CUL3: variants seen among roughly 807,000 people sequenced by gnomAD.
CUL3 encodes cullin-3.
A neutral mutation model predicts 89.1 loss-of-function variants in CUL3; 19 were observed. That is an observed-to-expected ratio of 0.21 (90% CI 0.15 to 0.31). The LOEUF (loss-of-function observed/expected upper bound fraction) is 0.31, where lower values mean the gene tolerates loss of function less well. Ranked by LOEUF, CUL3 falls within the 10% of genes least tolerant of loss-of-function variation. CUL3 has a pLI of 1.00. For synonymous variants in CUL3, 351 were observed against 308.4 expected (o/e 1.14, Z -1.45); for missense variants, 469 against 942.3 (o/e 0.50, Z 6.58).
intron 3 of CUL3, among the ~76,000 whole-genome samples, chr2:224,519,128 C>CA (rs1347531740): frequency 2.0e-5 from 3 of 152,166 alleles, no homozygotes; most frequent in Non-Finnish European, 2.9e-5. Flanking sequence ...AACATGATGC[C>CA]ACAAGTAAAT....
chr2:224,553,822 G>C (rs961261487), intron 2 of CUL3, among the ~76,000 whole-genome samples: 6 of 152,186 alleles, frequency 3.9e-5, no homozygotes, highest in Non-Finnish European at 8.8e-5. Context: ...TCACTTGCCA[G>C]AATGGTGAGA....
intron 15 of CUL3, among the ~76,000 whole-genome samples, chr2:224,476,962 G>A (rs1691345560): frequency 6.6e-6 from 1 of 152,068 alleles, no homozygotes; most frequent in Admixed American, 6.5e-5. Context: ...TCCTTCTCAA[G>A]GCACTACCAC....
intron 1 of CUL3, among the ~76,000 whole-genome samples, chr2:224,582,820 AC>A (rs1403730181): frequency 2.0e-5 from 3 of 152,166 alleles, no homozygotes; most frequent in Admixed American, 2.0e-4. Context: ...ATACTGACAG[AC>A]CCCCAGAACA....
At chr2:224,477,188 C>T (rs1163276262) in intron 15 of CUL3, among the ~76,000 whole-genome samples, 6 of 152,190 alleles carry the variant, frequency 3.9e-5, no homozygotes, top group Non-Finnish European at 8.8e-5. Flanking sequence ...ATCAGAATCA[C>T]CTACAGCTCG....
intron 3 of CUL3, among the ~76,000 whole-genome samples, chr2:224,516,318 C>CT (rs68130414): frequency 0.022 from 2,889 of 133,412 alleles, 62 homozygotes; most frequent in East Asian, 0.086. Flanking sequence ...TTTTTGTTTG[C>CT]TTTTTTTTTT....
At chr2:224,577,399 T>C (rs899130862) in intron 1 of CUL3, among the ~76,000 whole-genome samples, 3 of 152,074 alleles carry the variant, frequency 2.0e-5, no homozygotes, top group African/African-American at 7.2e-5. Flanking sequence ...AAACCCCGTC[T>C]CTACTAAAAA....
Position 224,470,697 on chromosome 2 carries a change from G to C in CUL3, c.*3548C>G, listed in dbSNP as rs1691099184. 3 of 231,716 alleles carry C rather than the reference G, an allele frequency of 1.3e-5. No individual in the cohort carries two copies. The East Asian group carries it at 1.8e-4, about 14-fold the overall frequency. The allele number at this position is 231,716 out of a possible 1,614,324, so 14.4% of individuals were successfully genotyped here. The stretch of plus-strand genomic sequence containing the variant: ...TTTTCAATGGACACATTCCAGAATA[G>C]CAGCAATCACCTTCCCTGTTTTCCT... On this transcript the variant is annotated 3_prime_UTR_variant, in exon 16 of 16. Coordinates refer to ENST00000264414, the MANE Select transcript of CUL3 (RefSeq NM_003590.5).
chr2:224,548,831 T>G (rs571809926), intron 2 of CUL3, among the ~76,000 whole-genome samples: 27 of 151,544 alleles, frequency 1.8e-4, no homozygotes, highest in African/African-American at 6.5e-4. Flanking sequence ...AAACCTTGTT[T>G]CTACAAAAAA....
At chr2:224,561,245 G>A (rs767327654) in intron 1 of CUL3, among the ~76,000 whole-genome samples, 19 of 151,990 alleles carry the variant, frequency 1.3e-4, no homozygotes, top group African/African-American at 2.4e-4. Flanking sequence ...TTCATACTTC[G>A]GTGACTGATT....
At chr2:224,532,257 A>T (rs1693723685) in intron 3 of CUL3, among the ~76,000 whole-genome samples, 2 of 152,210 alleles carry the variant, frequency 1.3e-5, no homozygotes, top group Non-Finnish European at 2.9e-5. Context: ...GTGTACCATG[A>T]GAAGAACAAC....
rs1333696714 is a variant in CUL3 at position 224,470,625 on chromosome 2, T to TA, written c.*3619dup. On this transcript the variant is annotated 3_prime_UTR_variant, in exon 16 of 16. Coordinates refer to ENST00000264414, the MANE Select transcript of CUL3 (RefSeq NM_003590.5). ...TGCCTATCTGTGGTACCCACTTAAG[T>TA]ATGTAAAACTTTCTCTAAGATTGTA... 26 of 231,924 alleles carry TA rather than the reference T, an allele frequency of 1.1e-4. No individual in the cohort carries two copies. Among genetic ancestry groups the TA allele is most frequent in the African/African-American group, 5.5e-4 (25 of 45,432 alleles). The allele number at this position is 231,924 out of a possible 1,614,324, so 14.4% of individuals were successfully genotyped here. A position where few individuals can be genotyped will look rare whatever the true frequency, so the allele number is the denominator to read the frequency against.
At chr2:224,500,617 ATTTTC>A (rs1252060758) in intron 10 of CUL3, 130 bp from the exon 11 acceptor site, 5 of 674,620 alleles carry the variant, frequency 7.4e-6, no homozygotes, top group Non-Finnish European at 8.4e-6. Context: ...AAAAAAGCAG[ATTTTC>A]TTTTCTTTTT....
chr2:224,509,408 G>C (rs1218028206), intron 6 of CUL3, among the ~76,000 whole-genome samples: 1 of 152,144 alleles, frequency 6.6e-6, no homozygotes, highest in South Asian at 2.1e-4. Flanking sequence ...ATAGAGACAG[G>C]GTTTCACCAA....
chr2:224,471,744 T>G lies in CUL3; in HGVS notation c.*2501A>C, dbSNP rs1045762895. 4.4e-6 allele frequency: 1 copy of G among 225,116 alleles called. No homozygotes were observed. The highest frequency in any genetic ancestry group is 1.8e-4 in the South Asian group (1 of 5,448). 13.9% of individuals were successfully genotyped at this position (225,116 alleles called of 1,614,324 possible). ...CAATGAATTTTCAGTCTTTAAATAA[T>G]GTTAACGATTCAAAATAAACACTGT... is the stretch of plus-strand genomic sequence containing the variant. On this transcript the variant is annotated 3_prime_UTR_variant, in exon 16 of 16. Transcript: ENST00000264414.
chr2:224,539,653 G>A (rs1179207136), intron 2 of CUL3, among the ~76,000 whole-genome samples: 1 of 151,974 alleles, frequency 6.6e-6, no homozygotes, highest in East Asian at 1.9e-4. Context: ...GCCATGAAGA[G>A]ATATAGAGAT....
At chr2:224,550,054 G>C (rs1313465103) in intron 2 of CUL3, among the ~76,000 whole-genome samples, 1 of 152,116 alleles carries the variant, frequency 6.6e-6, no homozygotes, top group Non-Finnish European at 1.5e-5. Context: ...AAATTCCTCA[G>C]GGTGCAATCC....
chr2:224,520,510 T>C (rs1693222513), intron 3 of CUL3, among the ~76,000 whole-genome samples: 1 of 152,202 alleles, frequency 6.6e-6, no homozygotes, highest in Non-Finnish European at 1.5e-5. Flanking sequence ...TGAAAATAAA[T>C]AGCTTTTAAG....
intron 2 of CUL3, chr2:224,556,386 T>C (rs1477195180): frequency 1.3e-5 from 2 of 152,174 alleles, no homozygotes; most frequent in African/African-American, 2.4e-5. Context: ...CCTGATGTGA[T>C]GCACTGAGGA....
chr2:224,489,590 G>A (rs1165241069), intron 13 of CUL3, among the ~76,000 whole-genome samples: 1 of 151,740 alleles, frequency 6.6e-6, no homozygotes, highest in African/African-American at 2.4e-5. Context: ...CCAAACAAAT[G>A]GAAAAATATT....
Sources: allele counts gnomAD v4.1 joint callset (sites outside exome capture counted in the v4.1 genomes callset), GRCh38; gene constraint gnomAD v4.1.1; transcripts MANE v1.5; gene names NCBI Gene and HGNC (gene_info 2026-07-23, HGNC 2026-07-21).